The following EXTL1 variants were observed in gnomAD, a reference collection of about 807,000 sequenced individuals.
EXTL1 encodes exostosin-like 1.
A neutral mutation model predicts 64.6 loss-of-function variants in EXTL1; 43 were observed. The ratio of observed to expected loss-of-function variants is 0.67; its 90% CI spans 0.52 to 0.86. The LOEUF (loss-of-function observed/expected upper bound fraction) is 0.86. Among genes scored for constraint, EXTL1 ranks in the 40% least tolerant of loss-of-function variants. The probability of loss-of-function intolerance (pLI) is 0.00; values close to 1 mark genes in which losing one functional copy is unlikely to be tolerated. For missense variants in EXTL1, 766 were observed against 879.0 expected, an observed-to-expected ratio of 0.87 and a Z score of 1.62; for synonymous variants, 352 against 360.5, an observed-to-expected ratio of 0.98 and a Z score of 0.27.
Position 26,035,481 on chromosome 1 carries a change from G to C in EXTL1, c.*134G>C. On this transcript the variant is annotated 3_prime_UTR_variant, in exon 11 of 11. Coordinates refer to ENST00000374280, the MANE Select transcript of EXTL1 (RefSeq NM_004455.3). The surrounding 1 kb of genome is among the most constrained non-coding windows in gnomAD (Gnocchi z 5.3). ...CCAGCGGGCCCACACGTCGGACCCC[G>C]GTTGGCCAATCACAACAGGGGGGCG... 1 of 801,026 alleles carries C rather than the reference G, an allele frequency of 1.2e-6. No homozygotes were observed. The highest frequency in any genetic ancestry group is 1.9e-6 in the Non-Finnish European group (1 of 519,914). The allele number at this position is 801,026 out of a possible 1,614,324, so 49.6% of individuals were successfully genotyped here.
At chr1:26,027,932 C>T (rs2050236979) in intron 1 of EXTL1, among the ~76,000 whole-genome samples, 1 of 152,120 alleles carries the variant, frequency 6.6e-6, no homozygotes, top group African/African-American at 2.4e-5. Flanking sequence ...ATCTTAAAGG[C>T]ACAGAGGATC....
rs779229873 is a variant in EXTL1 at position 26,029,748 on chromosome 1, G to C, written c.981+41G>C. On this transcript the variant is annotated intron_variant, in intron 3 of 10. Coordinates refer to ENST00000374280, the MANE Select transcript of EXTL1 (RefSeq NM_004455.3). The stretch of plus-strand genomic sequence containing the variant: ...GCCCACAGGGTGGGAACTGGACCCA[G>C]GACAGGGGAGGGACCTAGAATCCTG... 28 of 1,310,708 alleles carry C rather than the reference G, an allele frequency of 2.1e-5. No individual in the cohort carries two copies. In the Middle Eastern group the frequency reaches 1.3e-3, roughly 59 times the overall value. The allele number at this position is 1,310,708 out of a possible 1,614,324, so 81.2% of individuals were successfully genotyped here. A position where few individuals can be genotyped will look rare whatever the true frequency, so the allele number is the denominator to read the frequency against.
At chr1:26,024,498 C>T (rs1415222438) in intron 1 of EXTL1, among the ~76,000 whole-genome samples, 1 of 152,098 alleles carries the variant, frequency 6.6e-6, no homozygotes, top group Admixed American at 6.5e-5. Flanking sequence ...TTGGGGCTCC[C>T]GGGACTTCTC....
chr1:26,033,391 C>T lies in EXTL1; in HGVS notation c.1518+76C>T. ...GGGCCCTGGCAGCCCCTCAGGTTCC[C>T]AGGGTTGAGGGGACCCCAGGTCATG... is the stretch of plus-strand genomic sequence containing the variant. On this transcript the variant is annotated intron_variant, in intron 8 of 10. Coordinates refer to ENST00000374280, the MANE Select transcript of EXTL1 (RefSeq NM_004455.3). This position sits in a 1 kb window ranked among gnomAD's most constrained non-coding sequence, Gnocchi z 5.1. 4.5e-6 allele frequency: 6 copies of T among 1,338,576 alleles called. No homozygotes were observed. Among genetic ancestry groups the T allele is most frequent in the Non-Finnish European group, 6.4e-6 (6 of 932,062 alleles). The allele number at this position is 1,338,576 out of a possible 1,614,324, so 82.9% of individuals were successfully genotyped here.
At position 26,035,255 on chromosome 1, in the gene EXTL1, T is replaced by C. The variant is rs1159598898; in HGVS notation, c.1939T>C (p.Leu647=). Reference sequence around the variant, plus strand: ...AGCGGCAGCGTTCGGCCACATGCCCTTGCTGTCCTCTCGTCTGCGTCTGGA... The same window carrying C: ...AGCGGCAGCGTTCGGCCACATGCCCCTGCTGTCCTCTCGTCTGCGTCTGGA... ...QIAAAFGHMP[L]LSSRLRLDPV... Residue 647 remains leucine (L), a synonymous_variant, in exon 11 of 11, where the codon TTG becomes CTG. Transcript: ENST00000374280. The surrounding 1 kb of genome is among the most constrained non-coding windows in gnomAD (Gnocchi z 5.3). 48 of 1,613,550 alleles carry C rather than the reference T, an allele frequency of 3.0e-5. No homozygotes were observed. Among genetic ancestry groups the C allele is most frequent in the Non-Finnish European group, 3.9e-5 (46 of 1,179,948 alleles).
chr1:26,031,695 G>A (rs952192096), intron 6 of EXTL1, 129 bp downstream of exon 6: 4 of 498,086 alleles, frequency 8.0e-6, no homozygotes, highest in Non-Finnish European at 1.4e-5. Context: ...ATTTCCAAGT[G>A]TTCTTGCTGC....
Position 26,033,279 on chromosome 1 carries a change from C to T in EXTL1, c.1482C>T (p.Leu494=). ...PYSTIRTDAI[L]SLDARSSLST... is the part of the protein sequence containing the mutation. The stretch of plus-strand genomic sequence containing the variant: ...GCACCATCAGAACAGATGCCATCCT[C>T]AGCCTCGATGCCCGCAGCAGTCTTT... The change falls in exon 8 of 11, where the codon CTC becomes CTT. Residue 494 remains leucine (L), a synonymous_variant. Coordinates refer to ENST00000374280, the MANE Select transcript of EXTL1 (RefSeq NM_004455.3). The surrounding 1 kb of genome is among the most constrained non-coding windows in gnomAD (Gnocchi z 5.1). 2 of 1,614,118 alleles carry T rather than the reference C, an allele frequency of 1.2e-6. No individual in the cohort carries two copies. The highest frequency in any genetic ancestry group is 1.1e-5 in the South Asian group (1 of 91,080).
At chr1:26,030,278 C>T (rs947662806) in intron 3 of EXTL1, among the ~76,000 whole-genome samples, 198 bp from the exon 4 acceptor site, 2 of 150,774 alleles carry the variant, frequency 1.3e-5, no homozygotes, top group African/African-American at 2.4e-5. Context: ...ACCACAGTCA[C>T]GTGGTTACCA....
intron 1 of EXTL1, among the ~76,000 whole-genome samples, chr1:26,026,763 G>A (rs1447271509): frequency 6.6e-6 from 1 of 152,178 alleles, no homozygotes; most frequent in Non-Finnish European, 1.5e-5. Context: ...CTGAGGCCAT[G>A]GGCACAGCCA....
rs1339400099 is a variant in EXTL1, at chr1:26,026,381, C to T, written c.780-2812C>T. ...CAATCTTGGCTCACTGCGACCTCCA[C>T]TTCCTGGGTTCAAGCGATTCCCCTG... On this transcript the variant is annotated intron_variant, in intron 1 of 10. Transcript: ENST00000374280. Among the ~76,000 whole-genome samples, 5 of 151,572 alleles carry T rather than the reference C, an allele frequency of 3.3e-5. No homozygotes were observed. The East Asian group carries it at 9.7e-4, about 30-fold the overall frequency.
In EXTL1 at chr1:26,035,473, C is replaced by G. The variant is rs1274318136; in HGVS notation, c.*126C>G. On this transcript the variant is annotated 3_prime_UTR_variant, in exon 11 of 11. Coordinates refer to ENST00000374280, the MANE Select transcript of EXTL1 (RefSeq NM_004455.3). This position sits in a 1 kb window ranked among gnomAD's most constrained non-coding sequence, Gnocchi z 5.3. ...CATGTCAGCCAGCGGGCCCACACGT[C>G]GGACCCCGGTTGGCCAATCACAACA... is the stretch of plus-strand genomic sequence containing the variant. The G allele has an allele frequency of 2.3e-6, 2 of 875,448 alleles. No individual in the cohort carries two copies. Among genetic ancestry groups the G allele is most frequent in the African/African-American group, 3.4e-5 (2 of 58,892 alleles). 54.2% of individuals were successfully genotyped at this position (875,448 alleles called of 1,614,324 possible). A position where few individuals can be genotyped will look rare whatever the true frequency, so the allele number is the denominator to read the frequency against.
At position 26,029,669 on chromosome 1, in the gene EXTL1, A is replaced by G. The variant is rs2050260101; in HGVS notation, c.943A>G (p.Lys315Glu). Residue 315 changes from lysine to glutamate, a missense_variant, in exon 3 of 11, where the codon AAG (lysine) becomes GAG (glutamate). Physicochemically the swap from Lys to Glu is moderately conservative, Grantham distance 56 (BLOSUM62 1). Around this residue, in one of 3 missense-constraint regions of EXTL1, gnomAD observed 571 missense variants for 647.6 expected, o/e 0.88. Coordinates refer to ENST00000374280, the MANE Select transcript of EXTL1 (RefSeq NM_004455.3). ...LPFSEVIDWTKAAIVADERLP... is the reference protein window; with the variant it reads ...LPFSEVIDWTEAAIVADERLP... Reference sequence around the variant, plus strand: ...CTTCTCCGAGGTCATCGACTGGACCAAGGCAGCCATCGTAGCTGATGAGAG... The same window carrying G: ...CTTCTCCGAGGTCATCGACTGGACCGAGGCAGCCATCGTAGCTGATGAGAG... 6.2e-7 allele frequency: 1 copy of G among 1,612,556 alleles called. No homozygotes were observed. Among genetic ancestry groups the G allele is most frequent in the Non-Finnish European group, 8.5e-7 (1 of 1,179,718 alleles).
In EXTL1 at chr1:26,033,636, C is replaced by G; in HGVS notation, c.1519-60C>G. ...GCCAGGCTGCCCCTGCCTCCATTTC[C>G]CTGGATGTTCTAGGCATTTAGGAGG... On this transcript the variant is annotated intron_variant, in intron 8 of 10. Coordinates refer to ENST00000374280, the MANE Select transcript of EXTL1 (RefSeq NM_004455.3). This position sits in a 1 kb window ranked among gnomAD's most constrained non-coding sequence, Gnocchi z 5.1. 1.9e-6 allele frequency: 3 copies of G among 1,568,492 alleles called. No homozygotes were observed. The South Asian group carries it at 3.5e-5, about 18-fold the overall frequency.
rs568333532 is a variant in EXTL1, at chr1:26,032,381, C to A, written c.1342-15C>A. On this transcript the variant is annotated splice_polypyrimidine_tract_variant and intron_variant, in intron 6 of 10. Coordinates refer to ENST00000374280, the MANE Select transcript of EXTL1 (RefSeq NM_004455.3). ...CCCAGATCCCAGACTTCAAGAACAA[C>A]CCCCTATCCTCTAGATCTTGGTTCT... The A allele has an allele frequency of 3.2e-6, 5 of 1,545,330 alleles. No individual in the cohort carries two copies. The highest frequency in any genetic ancestry group is 4.4e-6 in the Non-Finnish European group (5 of 1,140,888).
chr1:26,031,195 G>A lies in EXTL1; in HGVS notation c.1165G>A (p.Gly389Arg). The A allele has an allele frequency of 6.2e-7, 1 of 1,613,952 alleles. No individual in the cohort carries two copies. Among genetic ancestry groups the A allele is most frequent in the East Asian group, 2.2e-5 (1 of 44,884 alleles). ...HPSLLWNSPP[G>R]ALLALSTFST... ...CTCACTGCTGTGGAACAGCCCCCCAGGGGCACTCCTGGCCCTGTCTACTTT... is the reference window on the plus strand; with the variant it reads ...CTCACTGCTGTGGAACAGCCCCCCAAGGGCACTCCTGGCCCTGTCTACTTT... The change falls in exon 5 of 11, where the codon GGG becomes AGG. Residue 389 changes from glycine to arginine, a missense_variant. By Grantham distance (125) the Gly-to-Arg change is moderately radical (BLOSUM62 -2). This residue lies in a region of EXTL1 where 571 missense variants were observed against 647.6 expected (regional missense o/e 0.88). Coordinates refer to ENST00000374280, the MANE Select transcript of EXTL1 (RefSeq NM_004455.3).
intron 7 of EXTL1, 44 bp downstream of exon 7, chr1:26,032,529 G>C: frequency 1.4e-6 from 2 of 1,458,588 alleles, no homozygotes; most frequent in African/African-American, 1.4e-5. Context: ...CCCATGCTGG[G>C]AGCTGGGGGA....
At position 26,035,449 on chromosome 1, in the gene EXTL1, A is replaced by C. The variant is rs1433648578; in HGVS notation, c.*102A>C. The C allele has an allele frequency of 1.2e-5, 14 of 1,128,196 alleles. No individual in the cohort carries two copies. The highest frequency in any genetic ancestry group is 1.6e-5 in the Non-Finnish European group (13 of 809,996). The allele number at this position is 1,128,196 out of a possible 1,614,324, so 69.9% of individuals were successfully genotyped here. ...CTCTTGGGACACCGGAGAACCTATC[A>C]TGTCAGCCAGCGGGCCCACACGTCG... On this transcript the variant is annotated 3_prime_UTR_variant, in exon 11 of 11. Coordinates refer to ENST00000374280, the MANE Select transcript of EXTL1 (RefSeq NM_004455.3). The surrounding 1 kb of genome is among the most constrained non-coding windows in gnomAD (Gnocchi z 5.3).
At chr1:26,024,663 T>C (rs1466262390) in intron 1 of EXTL1, among the ~76,000 whole-genome samples, 1 of 152,034 alleles carries the variant, frequency 6.6e-6, no homozygotes, top group Admixed American at 6.6e-5. Context: ...GTCTCCAAGG[T>C]GGGAGCCTGA....
At chr1:26,028,642 C>G (rs1449781585) in intron 1 of EXTL1, among the ~76,000 whole-genome samples, 2 of 150,008 alleles carry the variant, frequency 1.3e-5, no homozygotes, top group African/African-American at 4.8e-5. Context: ...ACAGAGGGAG[C>G]CTGTCCTCTG....
Sources: gnomAD v4.1 joint callset for allele counts (sites outside exome capture counted in the v4.1 genomes callset) on GRCh38, gnomAD v4.1.1 for gene constraint, gnomAD v4.1.1 regional missense constraint, Gnocchi (gnomAD v3.1) non-coding constraint, MANE v1.5 for transcripts, NCBI Gene and HGNC (gene_info 2026-07-23, HGNC 2026-07-21) for gene names.